UBE2G2: variants seen among roughly 807,000 people sequenced by gnomAD.
UBE2G2 encodes ubiquitin conjugating enzyme E2 G2.
Under a neutral mutation model 23.0 loss-of-function variants are expected in UBE2G2, and 10 were observed. The ratio of observed to expected loss-of-function variants is 0.43; its 90% confidence interval spans 0.27 to 0.74. The LOEUF is 0.74. Ranked by LOEUF, UBE2G2 falls within the 30% of genes least tolerant of loss-of-function variation. The probability of loss-of-function intolerance (pLI) is 0.19; values close to 1 mark genes in which losing one functional copy is unlikely to be tolerated. For synonymous variants in UBE2G2, 86 were observed against 81.3 expected (o/e 1.06, Z -0.31); for missense variants, 150 against 218.3 (o/e 0.69, Z 1.97).
chr21:44,775,648 T>C (rs1446468317), intron 4 of UBE2G2, among the ~76,000 whole-genome samples: 1 of 152,238 alleles, frequency 6.6e-6, no homozygotes, highest in Non-Finnish European at 1.5e-5. Flanking sequence ...AATCAGTTTA[T>C]TGGTCATATT....
At chr21:44,790,480 G>A (rs1349837436) in intron 1 of UBE2G2, among the ~76,000 whole-genome samples, 1 of 152,226 alleles carries the variant, frequency 6.6e-6, no homozygotes, top group Non-Finnish European at 1.5e-5. Flanking sequence ...ATCTTGAATT[G>A]TAATCTCCAG....
chr21:44,788,130 GAATA>G (rs1555962372), intron 1 of UBE2G2, 35 bp from the exon 2 acceptor site: 4 of 1,555,486 alleles, frequency 2.6e-6, no homozygotes, highest in East Asian at 4.5e-5. Flanking sequence ...TTACCAAACA[GAATA>G]AATGTTACAT....
At chr21:44,779,154 C>CA (rs1443368587) in intron 3 of UBE2G2, 1 of 383,054 alleles carries the variant, frequency 2.6e-6, no homozygotes, top group East Asian at 8.7e-5. Context: ...CTGGAGGCGG[C>CA]ACTCAGGGCT....
chr21:44,778,352 C>T (rs1184627742), intron 3 of UBE2G2, among the ~76,000 whole-genome samples: 1 of 152,262 alleles, frequency 6.6e-6, no homozygotes, highest in Non-Finnish European at 1.5e-5. Context: ...CCTCATCCCA[C>T]TGATGCAACA....
At chr21:44,792,884 G>A (rs145642301) in intron 1 of UBE2G2, among the ~76,000 whole-genome samples, 1 of 152,336 alleles carries the variant, frequency 6.6e-6, no homozygotes, top group East Asian at 1.9e-4. Flanking sequence ...AGCAAGGCAG[G>A]CCAAAGGCAA....
chr21:44,792,462 T>C (rs1469725754), intron 1 of UBE2G2, among the ~76,000 whole-genome samples: 1 of 152,130 alleles, frequency 6.6e-6, no homozygotes, highest in Non-Finnish European at 1.5e-5. Flanking sequence ...TCAGGAGACA[T>C]GATGGTTCTA....
chr21:44,779,188 G>A (rs1555960980), intron 3 of UBE2G2: 2 of 448,574 alleles, frequency 4.5e-6, no homozygotes, highest in Non-Finnish European at 8.9e-6. Context: ...GCAGATGCCA[G>A]CACGGCTCAT....
chr21:44,769,850 C>T lies in UBE2G2; in HGVS notation c.*1527G>A, dbSNP rs537872937. 1 of 152,380 alleles carries T rather than the reference C, an allele frequency of 6.6e-6. No homozygotes were observed. Among genetic ancestry groups the T allele is most frequent in the Admixed American group, 6.5e-5 (1 of 15,304 alleles). 9.4% of individuals were successfully genotyped at this position (152,380 alleles called of 1,614,324 possible). On this transcript the variant is annotated 3_prime_UTR_variant, in exon 6 of 6. Transcript: ENST00000345496. ...GGAGAAAAGGATCACATCAAATCTA[C>T]TGTATGCCTCATAGACCATCCCTTA...
At chr21:44,781,319 G>C (rs1466884492) in intron 3 of UBE2G2, among the ~76,000 whole-genome samples, 1 of 152,164 alleles carries the variant, frequency 6.6e-6, no homozygotes, top group South Asian at 2.1e-4. Context: ...CCAGCAGGAA[G>C]GGCATGAGGG....
rs782408816 is a variant in UBE2G2, at chr21:44,771,483, T to C, written c.392A>G (p.Asn131Ser). ...LSVVSMLAEP[N>S]DESGANVDAS... ...ATCCACGTTAGCTCCACTTTCGTCA[T>C]TGGGCTCTGAAAGAAAAGGGAACAC... Residue 131 changes from asparagine (N) to serine (S), a missense_variant, in exon 6 of 6, where the codon AAT becomes AGT. By Grantham distance (46) the Asn-to-Ser change is conservative. Transcript: ENST00000345496. This position sits in a 1 kb window ranked among gnomAD's most constrained non-coding sequence, Gnocchi z 4.6. 5.6e-6 allele frequency: 9 copies of C among 1,611,218 alleles called. No homozygotes were observed. The highest frequency in any genetic ancestry group is 4.5e-5 in the East Asian group (2 of 44,884).
intron 3 of UBE2G2, among the ~76,000 whole-genome samples, chr21:44,784,268 T>C (rs2146393700): frequency 6.6e-6 from 1 of 152,274 alleles, no homozygotes; most frequent in East Asian, 1.9e-4. Context: ...CCAGACCTAT[T>C]ATTCTAGAAT....
At chr21:44,800,796 A>G (rs1281500154) in intron 1 of UBE2G2, 1 of 152,222 alleles carries the variant, frequency 6.6e-6, no homozygotes, top group African/African-American at 2.4e-5. Flanking sequence ...CTTTCTTCCA[A>G]AATTATCCTC....
In UBE2G2 at chr21:44,787,921, T is replaced by C. The variant is rs781809916; in HGVS notation, c.124A>G (p.Met42Val). Residue 42 changes from methionine (M) to valine (V), a missense_variant and splice_region_variant, in exon 3 of 6, where the codon ATG becomes GTG. By Grantham distance (21) the Met-to-Val change is conservative. Coordinates refer to ENST00000345496, the MANE Select transcript of UBE2G2 (RefSeq NM_003343.6). ...ENFFEWEALI[M>V]GPEDTCFEFG... is the part of the protein sequence containing the mutation. ...CTAGTACACCTAAAATTAACTTACA[T>C]GATCAATGCCTCCCATTCAAAAAAG... is the stretch of plus-strand genomic sequence containing the variant. 2.5e-6 allele frequency: 4 copies of C among 1,613,906 alleles called. No individual in the cohort carries two copies. The South Asian group carries it at 3.3e-5, about 13-fold the overall frequency.
At position 44,788,541 on chromosome 21, in the gene UBE2G2, G is replaced by A. The variant is rs188898608; in HGVS notation, c.44-446C>T. Among the ~76,000 whole-genome samples, 15 of 152,098 alleles carry A rather than the reference G, an allele frequency of 9.9e-5. No individual in the cohort carries two copies. The East Asian group carries it at 2.3e-3, about 24-fold the overall frequency. On this transcript the variant is annotated intron_variant, in intron 1 of 5. Coordinates refer to ENST00000345496, the MANE Select transcript of UBE2G2 (RefSeq NM_003343.6). ...CCTGACCTCGTGATCCGCCAGCCTCGGCCTCCCAAAGTGCTGGGATTACAG... is the reference window on the plus strand; with the variant it reads ...CCTGACCTCGTGATCCGCCAGCCTCAGCCTCCCAAAGTGCTGGGATTACAG...
At chr21:44,790,266 G>C (rs2083032704) in intron 1 of UBE2G2, among the ~76,000 whole-genome samples, 1 of 152,152 alleles carries the variant, frequency 6.6e-6, no homozygotes, top group Non-Finnish European at 1.5e-5. Flanking sequence ...AAAATGGTTT[G>C]GTTACCCTTT....
At chr21:44,786,310 A>G (rs1404229442) in intron 3 of UBE2G2, among the ~76,000 whole-genome samples, 2 of 152,268 alleles carry the variant, frequency 1.3e-5, no homozygotes, top group Admixed American at 6.5e-5. Flanking sequence ...ACAGTCCACT[A>G]ATGAGGACAG....
chr21:44,777,786 C>T (rs1317480017), intron 3 of UBE2G2, among the ~76,000 whole-genome samples: 2 of 151,842 alleles, frequency 1.3e-5, no homozygotes, highest in Non-Finnish European at 2.9e-5. Flanking sequence ...CAAGCCTGGG[C>T]GACAGAGCGT....
intron 3 of UBE2G2, among the ~76,000 whole-genome samples, chr21:44,782,832 A>C (rs2082967043): frequency 6.6e-6 from 1 of 152,230 alleles, no homozygotes. Context: ...AAAAAACACA[A>C]AACTTCTACA....
chr21:44,785,028 C>T (rs2082984574), intron 3 of UBE2G2, among the ~76,000 whole-genome samples: 1 of 152,218 alleles, frequency 6.6e-6, no homozygotes, highest in African/African-American at 2.4e-5. Context: ...CTCTCTGCAG[C>T]TACACCCCCG....
Sources: gnomAD v4.1 joint callset for allele counts (sites outside exome capture counted in the v4.1 genomes callset) on GRCh38, gnomAD v4.1.1 for gene constraint, Gnocchi (gnomAD v3.1) non-coding constraint, MANE v1.5 for transcripts, NCBI Gene and HGNC (gene_info 2026-07-23, HGNC 2026-07-21) for gene names.